NXPH1: variants seen among roughly 807,000 people sequenced by gnomAD.
NXPH1 encodes neurexophilin-1.
Under a neutral mutation model 23.7 loss-of-function variants are expected in NXPH1, and 5 were observed. That is an observed-to-expected ratio of 0.21 (90% CI 0.11 to 0.44). The LOEUF (loss-of-function observed/expected upper bound fraction) is 0.44. Among genes scored for constraint, NXPH1 ranks in the 20% least tolerant of loss-of-function variants. NXPH1 has a pLI of 0.99. For missense variants in NXPH1, 324 were observed against 321.6 expected (o/e 1.01, Z -0.06); for synonymous variants, 144 against 122.2 (o/e 1.18, Z -1.18).
intron 2 of NXPH1, among the ~76,000 whole-genome samples, chr7:8,633,344 C>T (rs1820163329): frequency 1.3e-5 from 2 of 152,206 alleles, no homozygotes; most frequent in Admixed American, 6.5e-5. Context: ...AGGGGAATCA[C>T]TTGAACCCAG....
chr7:8,652,811 C>T (rs191071426), intron 2 of NXPH1, among the ~76,000 whole-genome samples: 24 of 152,314 alleles, frequency 1.6e-4, no homozygotes, highest in Admixed American at 1.4e-3. Flanking sequence ...ATCTCCCCAT[C>T]CGTTTCTTCC....
chr7:8,636,427 T>C, intron 2 of NXPH1, among the ~76,000 whole-genome samples: 1 of 152,228 alleles, frequency 6.6e-6, no homozygotes. Context: ...TTCAAGCCAC[T>C]TTCTCCCCAT....
intron 2 of NXPH1, among the ~76,000 whole-genome samples, chr7:8,692,220 T>C (rs1199936828): frequency 6.6e-6 from 1 of 152,064 alleles, no homozygotes; most frequent in East Asian, 1.9e-4. Flanking sequence ...AAGTGTGTTA[T>C]ATAAGGAAGT....
chr7:8,692,673 T>C (rs962719244), intron 2 of NXPH1, among the ~76,000 whole-genome samples: 1 of 152,236 alleles, frequency 6.6e-6, no homozygotes, highest in Non-Finnish European at 1.5e-5. Flanking sequence ...CCTCTCAACC[T>C]GTCCATATTG....
chr7:8,494,001 T>G (rs570659979), intron 2 of NXPH1, among the ~76,000 whole-genome samples: 1 of 152,138 alleles, frequency 6.6e-6, no homozygotes, highest in Admixed American at 6.6e-5. Context: ...AGTTAGTTGA[T>G]TTTTATAATC....
At position 8,656,541 on chromosome 7, in the gene NXPH1, CTT is replaced by C. The variant is rs200920294; in HGVS notation, c.55-94457_55-94456del. On this transcript the variant is annotated intron_variant, in intron 2 of 2. Transcript: ENST00000405863. ...TTTTTTTTTTCAGAGGGTGGTTTTT[CTT>C]TTTTTTTTTATTATTATACTTTAAG... is the stretch of plus-strand genomic sequence containing the variant. 1.2e-3 allele frequency among the ~76,000 whole-genome samples: 144 copies of C among 119,426 alleles called. 1 individual carries two copies. The highest frequency in any genetic ancestry group is 4.6e-3 in the African/African-American group (141 of 30,454). 78.3% of individuals were successfully genotyped at this position (119,426 alleles called of 152,430 possible).
At chr7:8,562,014 A>C (rs1385091395) in intron 2 of NXPH1, among the ~76,000 whole-genome samples, 3 of 151,622 alleles carry the variant, frequency 2.0e-5, no homozygotes, top group Non-Finnish European at 3.0e-5. Context: ...AGATAATGGC[A>C]CTCATCATTT....
intron 2 of NXPH1, among the ~76,000 whole-genome samples, chr7:8,604,246 T>A (rs117210300): frequency 1.3e-5 from 2 of 152,276 alleles, no homozygotes; most frequent in East Asian, 3.9e-4. Flanking sequence ...TTTAAACTTG[T>A]TGATTCAATG....
chr7:8,515,134 A>G (rs1817667995), intron 2 of NXPH1, among the ~76,000 whole-genome samples: 1 of 152,144 alleles, frequency 6.6e-6, no homozygotes, highest in Non-Finnish European at 1.5e-5. Flanking sequence ...TTCCAGCTAA[A>G]ATGACCTTTT....
chr7:8,592,680 G>T (rs993726037), intron 2 of NXPH1, among the ~76,000 whole-genome samples: 1 of 152,002 alleles, frequency 6.6e-6, no homozygotes, highest in African/African-American at 2.4e-5. Flanking sequence ...CATCGTCTCT[G>T]TTGCAACTAT....
chr7:8,494,033 C>A (rs1403429479), intron 2 of NXPH1, among the ~76,000 whole-genome samples: 1 of 151,928 alleles, frequency 6.6e-6, no homozygotes, highest in Admixed American at 6.6e-5. Flanking sequence ...TAGAAAAGTT[C>A]TTTCTTATGT....
intron 2 of NXPH1, among the ~76,000 whole-genome samples, chr7:8,471,500 G>T (rs769297543): frequency 6.6e-6 from 1 of 152,082 alleles, no homozygotes; most frequent in Non-Finnish European, 1.5e-5. Context: ...TGAATCAATG[G>T]CTGCTTTGGA....
intron 2 of NXPH1, among the ~76,000 whole-genome samples, chr7:8,551,392 A>C (rs1254034940): frequency 6.6e-6 from 1 of 151,514 alleles, no homozygotes; most frequent in African/African-American, 2.4e-5. Flanking sequence ...GGAGTTTAAA[A>C]GTTTTCCTTT....
intron 2 of NXPH1, among the ~76,000 whole-genome samples, chr7:8,681,963 C>T (rs946636166): frequency 1.3e-5 from 2 of 152,090 alleles, no homozygotes; most frequent in African/African-American, 2.4e-5. Flanking sequence ...AACCAGAAGT[C>T]CTCAGGGCAA....
At chr7:8,727,379 T>G (rs1313576772) in intron 2 of NXPH1, among the ~76,000 whole-genome samples, 4 of 141,028 alleles carry the variant, frequency 2.8e-5, no homozygotes, top group South Asian at 4.7e-4. Context: ...TTGTTGCCAT[T>G]GCTTTTGGTG....
At chr7:8,459,130 C>A (rs965708760) in intron 2 of NXPH1, among the ~76,000 whole-genome samples, 2 of 150,890 alleles carry the variant, frequency 1.3e-5, no homozygotes, top group Non-Finnish European at 3.0e-5. Flanking sequence ...ACTTAATGAA[C>A]ATCTTGGGTT....
At chr7:8,465,385 G>A (rs1229232770) in intron 2 of NXPH1, among the ~76,000 whole-genome samples, 1 of 152,108 alleles carries the variant, frequency 6.6e-6, no homozygotes, top group South Asian at 2.1e-4. Flanking sequence ...GTCTCCTGAA[G>A]GATTAATTAC....
At chr7:8,680,911 C>T (rs374153048) in intron 2 of NXPH1, among the ~76,000 whole-genome samples, 2 of 152,250 alleles carry the variant, frequency 1.3e-5, no homozygotes, top group East Asian at 3.9e-4. Flanking sequence ...GATCACATGA[C>T]CTAAAGGTAT....
chr7:8,716,512 T>C (rs1208181997), intron 2 of NXPH1, among the ~76,000 whole-genome samples: 2 of 152,222 alleles, frequency 1.3e-5, no homozygotes, highest in Non-Finnish European at 2.9e-5. Flanking sequence ...ATCCAATTTA[T>C]TGTATCAGAC....
Sources: allele counts gnomAD v4.1 joint callset (sites outside exome capture counted in the v4.1 genomes callset), GRCh38; gene constraint gnomAD v4.1.1; transcripts MANE v1.5; gene names NCBI Gene and HGNC (gene_info 2026-07-23, HGNC 2026-07-21).